GALNT13: variants seen among roughly 807,000 people sequenced by gnomAD.
GALNT13 encodes polypeptide N-acetylgalactosaminyltransferase 13.
GALNT13 carries 28 observed loss-of-function variants against 64.2 expected under a neutral mutation model. The observed-to-expected ratio is 0.44, with a 90% CI of 0.32 to 0.60. GALNT13 has a LOEUF of 0.60. GALNT13 is among the 20% of genes least tolerant of loss of function. GALNT13 has a pLI of 0.05. For missense variants in GALNT13, 577 were observed against 669.8 expected, an observed-to-expected ratio of 0.86 and a Z score of 1.53; for synonymous variants, 214 against 224.6, an observed-to-expected ratio of 0.95 and a Z score of 0.42.
intron 3 of GALNT13, among the ~76,000 whole-genome samples, chr2:154,037,727 A>G (rs1574388570): frequency 6.6e-6 from 1 of 152,214 alleles, no homozygotes; most frequent in African/African-American, 2.4e-5. Flanking sequence ...ATTAGCTGGA[A>G]AAGAAGTCAA....
At chr2:153,334,277 G>T in the GALNT13 span, among the ~76,000 whole-genome samples, 2 of 152,168 alleles carry the variant, frequency 1.3e-5, no homozygotes, top group Non-Finnish European at 2.9e-5. Context: ...GAGAAGCTCT[G>T]ATATTTGTTG....
chr2:153,279,901 C>T, the GALNT13 span, among the ~76,000 whole-genome samples: 2 of 151,984 alleles, frequency 1.3e-5, no homozygotes, highest in African/African-American at 2.4e-5. Flanking sequence ...AGGAAAGTGT[C>T]CTTCCTGCTC....
the GALNT13 span, among the ~76,000 whole-genome samples, chr2:153,515,528 T>A: frequency 6.6e-6 from 1 of 152,090 alleles, no homozygotes; most frequent in Non-Finnish European, 1.5e-5. Context: ...ATGTACCAAA[T>A]CCTGAGAAAT....
chr2:153,210,813 T>C, the GALNT13 span, among the ~76,000 whole-genome samples: 1 of 152,190 alleles, frequency 6.6e-6, no homozygotes, highest in Non-Finnish European at 1.5e-5. Flanking sequence ...TTCTATTTCT[T>C]CCATTATAAT....
chr2:153,691,027 C>T, the GALNT13 span, among the ~76,000 whole-genome samples: 1 of 152,126 alleles, frequency 6.6e-6, no homozygotes, highest in Admixed American at 6.6e-5. Flanking sequence ...TCTTACTGCA[C>T]TTGTAAACCA....
chr2:153,141,460 C>T, the GALNT13 span, among the ~76,000 whole-genome samples: 5 of 151,956 alleles, frequency 3.3e-5, no homozygotes, highest in Non-Finnish European at 1.5e-5. Context: ...GAGGAAGAGG[C>T]CTCCAGACTT....
At chr2:153,523,940 A>G in the GALNT13 span, among the ~76,000 whole-genome samples, 1 of 152,152 alleles carries the variant, frequency 6.6e-6, no homozygotes, top group Non-Finnish European at 1.5e-5. Flanking sequence ...TGTTTTGTAC[A>G]TATTTTTAAG....
chr2:153,680,766 C>T, the GALNT13 span, among the ~76,000 whole-genome samples: 1 of 151,906 alleles, frequency 6.6e-6, no homozygotes, highest in Non-Finnish European at 1.5e-5. Flanking sequence ...CAGTCCCTTT[C>T]TCTTACTCAA....
chr2:154,426,048 A>G (rs707061), intron 11 of GALNT13, among the ~76,000 whole-genome samples: 143,946 of 152,306 alleles, frequency 0.95, 68,204 homozygotes, highest in African/African-American at 0.97. Context: ...TTCAGGCACA[A>G]TGTGGCTGGG....
At chr2:153,514,337 A>C in the GALNT13 span, among the ~76,000 whole-genome samples, 1 of 152,094 alleles carries the variant, frequency 6.6e-6, no homozygotes, top group Non-Finnish European at 1.5e-5. Context: ...TTCATACTTC[A>C]TCTTCCTGCT....
chr2:154,384,750 A>G (rs1405309840), intron 9 of GALNT13, among the ~76,000 whole-genome samples: 1 of 151,958 alleles, frequency 6.6e-6, no homozygotes, highest in Non-Finnish European at 1.5e-5. Flanking sequence ...TCTCAGTGCC[A>G]TTAAGAAGAT....
At chr2:153,913,991 C>A (rs537676508) in intron 2 of GALNT13, among the ~76,000 whole-genome samples, 1 of 152,226 alleles carries the variant, frequency 6.6e-6, no homozygotes, top group Admixed American at 6.5e-5. Context: ...AAATATCGCC[C>A]TTGCATATAG....
chr2:153,287,745 A>G, the GALNT13 span, among the ~76,000 whole-genome samples: 1 of 152,114 alleles, frequency 6.6e-6, no homozygotes, highest in East Asian at 1.9e-4. Context: ...CTCAACATCC[A>G]GCCACTTGTG....
At chr2:153,102,433 GA>G in the GALNT13 span, among the ~76,000 whole-genome samples, 7 of 151,908 alleles carry the variant, frequency 4.6e-5, no homozygotes, top group African/African-American at 1.5e-4. Flanking sequence ...ATTCACTGGG[GA>G]AAGAACATTT....
At chr2:153,903,682 A>C (rs1032057761) in intron 2 of GALNT13, among the ~76,000 whole-genome samples, 1 of 152,048 alleles carries the variant, frequency 6.6e-6, no homozygotes. Context: ...TCTTGGTAGC[A>C]GCGAATTTTA....
At chr2:153,800,021 T>C in the GALNT13 span, among the ~76,000 whole-genome samples, 2 of 151,240 alleles carry the variant, frequency 1.3e-5, no homozygotes, top group Non-Finnish European at 3.0e-5. Flanking sequence ...AATTGATTTC[T>C]CTTATGCTTA....
chr2:153,821,382 C>A, the GALNT13 span, among the ~76,000 whole-genome samples: 2 of 152,162 alleles, frequency 1.3e-5, no homozygotes, highest in African/African-American at 4.8e-5. Context: ...CAAAATCATA[C>A]AAACTATACT....
chr2:154,291,198 G>T (rs141686685), intron 8 of GALNT13, among the ~76,000 whole-genome samples: 6 of 152,064 alleles, frequency 3.9e-5, no homozygotes, highest in East Asian at 1.9e-4. Context: ...TGATTTGTCC[G>T]TTTCACAGAG....
intron 3 of GALNT13, among the ~76,000 whole-genome samples, chr2:154,077,119 A>AAAACTTCT (rs1235302675): frequency 6.6e-6 from 1 of 151,688 alleles, no homozygotes; most frequent in Non-Finnish European, 1.5e-5. Context: ...GAAAAGAAGC[A>AAAACTTCT]AAACTTCTAG....
Sources: gnomAD v4.1 joint callset for allele counts (sites outside exome capture counted in the v4.1 genomes callset) on GRCh38, gnomAD v4.1.1 for gene constraint, MANE v1.5 for transcripts, NCBI Gene and HGNC (gene_info 2026-07-23, HGNC 2026-07-21) for gene names.